MYT1L: variants seen among roughly 807,000 people sequenced by gnomAD.
MYT1L encodes the protein myelin transcription factor 1-like protein.
Under a neutral mutation model 126.7 loss-of-function variants are expected in MYT1L, and 12 were observed. The ratio of observed to expected loss-of-function variants is 0.09; its 90% CI spans 0.06 to 0.15. The LOEUF (loss-of-function observed/expected upper bound fraction) is 0.15. Ranked by LOEUF, MYT1L falls within the 10% of genes least tolerant of loss-of-function variation. The pLI, the probability that MYT1L is intolerant of heterozygous loss-of-function variation, is 1.00. For missense variants in MYT1L, 979 were observed against 1,585.2 expected, an observed-to-expected ratio of 0.62 and a Z score of 6.49; for synonymous variants, 541 against 604.2, an observed-to-expected ratio of 0.90 and a Z score of 1.53.
In MYT1L at chr2:1,979,433, G is replaced by C. The variant is rs544600551; in HGVS notation, c.89+88C>G. 7.5e-7 allele frequency: 1 copy of C among 1,339,748 alleles called. No homozygotes were observed. The highest frequency in any genetic ancestry group is 1.4e-5 in the African/African-American group (1 of 69,540). The allele number at this position is 1,339,748 out of a possible 1,614,324, so 83.0% of individuals were successfully genotyped here. Reference sequence around the variant, plus strand: ...TGCAGCAGGGCGTGAGCAAGCTGCCGATGAGCTGGAAGGTGCAGTGTGCCC... The same window carrying C: ...TGCAGCAGGGCGTGAGCAAGCTGCCCATGAGCTGGAAGGTGCAGTGTGCCC... On this transcript the variant is annotated intron_variant, in intron 7 of 24. Transcript: ENST00000647738. This position sits in a 1 kb window ranked among gnomAD's most constrained non-coding sequence, Gnocchi z 4.0.
rs2048326316 is a variant in MYT1L, at chr2:1,887,679, G to A, written c.2521-70C>T. Reference sequence around the variant, plus strand: ...GCACACAGACTGAGGGAGGTGGTTCGTGGCTCTGGGGTGGCCTCTACATCT... The same window carrying A: ...GCACACAGACTGAGGGAGGTGGTTCATGGCTCTGGGGTGGCCTCTACATCT... On this transcript the variant is annotated intron_variant, in intron 16 of 24. Transcript: ENST00000647738. This position sits in a 1 kb window ranked among gnomAD's most constrained non-coding sequence, Gnocchi z 4.8. 6 of 1,604,202 alleles carry A rather than the reference G, an allele frequency of 3.7e-6. No individual in the cohort carries two copies. The highest frequency in any genetic ancestry group is 1.1e-5 in the South Asian group (1 of 90,654).
chr2:1,940,885 G>A (rs559915122), intron 9 of MYT1L, among the ~76,000 whole-genome samples: 3 of 152,332 alleles, frequency 2.0e-5, no homozygotes, highest in African/African-American at 7.2e-5. Context: ...AGGTCTGGCC[G>A]CAGAGTTAGA....
intron 19 of MYT1L, among the ~76,000 whole-genome samples, chr2:1,845,545 G>A (rs534013738): frequency 9.2e-5 from 14 of 151,934 alleles, no homozygotes; most frequent in Non-Finnish European, 1.9e-4. Flanking sequence ...TTCCCCAGGG[G>A]CCCCTCCCAC....
intron 3 of MYT1L, among the ~76,000 whole-genome samples, chr2:2,114,830 C>G (rs575878417): frequency 1.3e-5 from 2 of 152,174 alleles, no homozygotes; most frequent in Non-Finnish European, 2.9e-5. Flanking sequence ...TCAGTCTGGG[C>G]TTTTCAGGTT....
rs545802448 is a variant in MYT1L at position 1,952,132 on chromosome 2, A to G, written c.153-8798T>C. On this transcript the variant is annotated intron_variant, in intron 8 of 24. Transcript: ENST00000647738. Reference sequence around the variant, plus strand: ...TTCTTAAACTTGACAGACACGTTCTATACATGAAAAACATTCAACAAATAA... The same window carrying G: ...TTCTTAAACTTGACAGACACGTTCTGTACATGAAAAACATTCAACAAATAA... Among the ~76,000 whole-genome samples, 27 of 152,348 alleles carry G rather than the reference A, an allele frequency of 1.8e-4. No individual in the cohort carries two copies. The South Asian group carries it at 5.4e-3, about 30-fold the overall frequency.
At chr2:2,066,043 C>A (rs2071233541) in intron 3 of MYT1L, among the ~76,000 whole-genome samples, 1 of 152,148 alleles carries the variant, frequency 6.6e-6, no homozygotes, top group Admixed American at 6.5e-5. Flanking sequence ...GCCCTTCCCA[C>A]TAAATGTTTA....
intron 3 of MYT1L, among the ~76,000 whole-genome samples, chr2:2,111,011 T>TG (rs1344674343): frequency 6.6e-6 from 1 of 152,190 alleles, no homozygotes; most frequent in African/African-American, 2.4e-5. Flanking sequence ...GGGCTCCTCC[T>TG]GGGAGGAACG....
At chr2:1,934,307 T>TATATATACATACAC (rs71276816) in intron 9 of MYT1L, among the ~76,000 whole-genome samples, 1 of 132,126 alleles carries the variant, frequency 7.6e-6, no homozygotes, top group Non-Finnish European at 1.7e-5. Flanking sequence ...TATATATATA[T>TATATATACATACAC]ACAACCTCAT....
At chr2:1,877,369 G>A (rs2047042191) in intron 18 of MYT1L, among the ~76,000 whole-genome samples, 1 of 151,560 alleles carries the variant, frequency 6.6e-6, no homozygotes, top group Non-Finnish European at 1.5e-5. Context: ...AAACATATCT[G>A]TGAGAGTGGT....
At chr2:1,914,199 A>G (rs1328341989) in intron 11 of MYT1L, among the ~76,000 whole-genome samples, 1 of 151,988 alleles carries the variant, frequency 6.6e-6, no homozygotes, top group African/African-American at 2.4e-5. Context: ...GGTTGCAGTG[A>G]GCCGAGATTA....
At chr2:2,078,967 C>T (rs939049554) in intron 3 of MYT1L, among the ~76,000 whole-genome samples, 2 of 152,082 alleles carry the variant, frequency 1.3e-5, no homozygotes, top group Non-Finnish European at 2.9e-5. Flanking sequence ...GAGGGTGGAG[C>T]CCATATAGAG....
At chr2:2,327,404 C>G (rs994222485) in intron 1 of MYT1L, among the ~76,000 whole-genome samples, 3 of 152,106 alleles carry the variant, frequency 2.0e-5, no homozygotes, top group Admixed American at 1.3e-4. Flanking sequence ...ATGTTATTTG[C>G]AAGTTTTTGT....
Position 2,180,717 on chromosome 2 carries a change from C to A in MYT1L, c.-420-7729G>T, listed in dbSNP as rs1230340708. 4.7e-5 allele frequency among the ~76,000 whole-genome samples: 7 copies of A among 147,460 alleles called. No homozygotes were observed. The Admixed American group carries it at 4.8e-4, about 10-fold the overall frequency. Reference sequence around the variant, plus strand: ...ACCTGTATGTGCACCTGTATCTGTACCTGTGTGCCTGCATGTGTGCCTGTG... The same window carrying A: ...ACCTGTATGTGCACCTGTATCTGTAACTGTGTGCCTGCATGTGTGCCTGTG... On this transcript the variant is annotated intron_variant, in intron 2 of 24. Transcript: ENST00000647738.
At chr2:2,316,358 A>G (rs997292729) in intron 1 of MYT1L, among the ~76,000 whole-genome samples, 6 of 152,202 alleles carry the variant, frequency 3.9e-5, no homozygotes, top group Middle Eastern at 3.2e-3. Context: ...CTTCTGCTCT[A>G]GGAGACCAGA....
chr2:1,846,537 C>G (rs2042518926), intron 19 of MYT1L, among the ~76,000 whole-genome samples: 1 of 152,134 alleles, frequency 6.6e-6, no homozygotes, highest in Non-Finnish European at 1.5e-5. Context: ...AGCATACGGA[C>G]AGCTCCAGCG....
chr2:2,264,973 T>C (rs1184056978), intron 2 of MYT1L, among the ~76,000 whole-genome samples: 2 of 152,054 alleles, frequency 1.3e-5, no homozygotes, highest in African/African-American at 2.4e-5. Flanking sequence ...TTCAAATTCC[T>C]GCTCTATAAC....
intron 21 of MYT1L, among the ~76,000 whole-genome samples, chr2:1,837,120 A>G (rs2041009143): frequency 1.3e-5 from 2 of 152,138 alleles, no homozygotes; most frequent in Admixed American, 6.5e-5. Flanking sequence ...CAGGACAGAG[A>G]TCTTGGTGGA....
At chr2:1,804,105 T>G (rs991660450) in intron 22 of MYT1L, among the ~76,000 whole-genome samples, 4 of 152,114 alleles carry the variant, frequency 2.6e-5, no homozygotes, top group Non-Finnish European at 4.4e-5. Context: ...AGGCTGGAAC[T>G]AGGGTTTTTT....
rs2070067049 is a variant in MYT1L at position 2,059,311 on chromosome 2, A to C, written c.-303-5188T>G. Among the ~76,000 whole-genome samples the C allele has an allele frequency of 1.3e-5, 2 of 152,176 alleles. No homozygotes were observed. Among genetic ancestry groups the C allele is most frequent in the Admixed American group, 6.5e-5 (1 of 15,288 alleles). On this transcript the variant is annotated intron_variant, in intron 3 of 24. Transcript: ENST00000647738. The surrounding 1 kb of genome is among the most constrained non-coding windows in gnomAD (Gnocchi z 4.7). ...ATTATTTCCAGTGACTTTCCATGAA[A>C]GCACATGCCATCTTGTCCCATGCAA...
Sources: gnomAD v4.1 joint callset for allele counts (sites outside exome capture counted in the v4.1 genomes callset) on GRCh38, gnomAD v4.1.1 for gene constraint, Gnocchi (gnomAD v3.1) non-coding constraint, MANE v1.5 for transcripts, NCBI Gene and HGNC (gene_info 2026-07-23, HGNC 2026-07-21) for gene names.